RBFOX1: variants seen among roughly 807,000 people sequenced by gnomAD.
RBFOX1 encodes RNA binding fox-1 homolog 1.
A neutral mutation model predicts 57.7 loss-of-function variants in RBFOX1; 8 were observed. The ratio of observed to expected loss-of-function variants is 0.14; its 90% CI spans 0.08 to 0.25. RBFOX1 has a LOEUF of 0.25. Ranked by LOEUF, RBFOX1 falls within the 10% of genes least tolerant of loss-of-function variation. The pLI, the probability that RBFOX1 is intolerant of heterozygous loss-of-function variation, is 1.00. For missense variants in RBFOX1, 611 were observed against 548.5 expected, an observed-to-expected ratio of 1.11 and a Z score of -1.14; for synonymous variants, 326 against 222.4, an observed-to-expected ratio of 1.47 and a Z score of -4.15.
intron 3 of RBFOX1, among the ~76,000 whole-genome samples, chr16:5,630,087 A>C (rs539862129): frequency 1.3e-5 from 2 of 152,268 alleles, no homozygotes; most frequent in East Asian, 3.9e-4. Context: ...ATCTTTATCC[A>C]CTTCTCAAAA....
intron 1 of RBFOX1, among the ~76,000 whole-genome samples, chr16:5,373,954 G>C (rs2065922392): frequency 6.6e-6 from 1 of 152,178 alleles, no homozygotes; most frequent in Non-Finnish European, 1.5e-5. Flanking sequence ...TCTTACTCTT[G>C]TCACCCAGGC....
intron 14 of RBFOX1, among the ~76,000 whole-genome samples, chr16:7,694,141 G>A (rs544347064): frequency 2.0e-5 from 3 of 152,210 alleles, no homozygotes; most frequent in African/African-American, 4.8e-5. Flanking sequence ...TCCTTTTGTC[G>A]TTTTTAAGCC....
intron 1 of RBFOX1, among the ~76,000 whole-genome samples, chr16:6,070,221 T>A (rs188609052): frequency 1.2e-3 from 178 of 152,254 alleles, no homozygotes; most frequent in African/African-American, 4.1e-3. Context: ...CTGGGGAGAT[T>A]TTGAGTAAAT....
intron 1 of RBFOX1, chr16:5,270,986 GC>G: frequency 3.1e-6 from 1 of 321,294 alleles, no homozygotes; most frequent in Non-Finnish European, 5.8e-6. Context: ...CAAATAAAAA[GC>G]CCTATTTGTG....
At chr16:5,468,808 T>A (rs752100780) in intron 2 of RBFOX1, among the ~76,000 whole-genome samples, 1 of 152,218 alleles carries the variant, frequency 6.6e-6, no homozygotes, top group Non-Finnish European at 1.5e-5. Flanking sequence ...TGTGCTGACA[T>A]TGGCTGGTTT....
chr16:7,459,329 C>G (rs1164975837), intron 4 of RBFOX1, among the ~76,000 whole-genome samples: 1 of 152,210 alleles, frequency 6.6e-6, no homozygotes, highest in Non-Finnish European at 1.5e-5. Context: ...CCTTTTAACT[C>G]ACTTGGCATG....
intron 4 of RBFOX1, among the ~76,000 whole-genome samples, chr16:7,123,831 G>C (rs1290199362): frequency 6.6e-6 from 1 of 152,108 alleles, no homozygotes; most frequent in Non-Finnish European, 1.5e-5. Flanking sequence ...AAGAAGAAGG[G>C]TTTTGCACGA....
chr16:7,446,220 T>C (rs2098806526), intron 4 of RBFOX1, among the ~76,000 whole-genome samples: 1 of 152,212 alleles, frequency 6.6e-6, no homozygotes. Context: ...AGTTGGCTCT[T>C]GAGTCTCCCC....
rs2076808380 is a variant in RBFOX1 at position 7,518,312 on chromosome 16, C to G, written c.193C>G (p.Leu65Val). The change falls in exon 5 of 16, where the codon CTG becomes GTG. Residue 65 changes from leucine (L) to valine (V), a missense_variant. By Grantham distance (32) the Leu-to-Val change is conservative. Transcript: ENST00000550418. ...QTTVPEHTLN[L>V]YPPAQTHSEQ... ...CACGGTTCCCGAGCACACATTAAAC[C>G]TGTACCCTCCCGCCCAGACGCACTC... 1 of 1,614,160 alleles carries G rather than the reference C, an allele frequency of 6.2e-7. No individual in the cohort carries two copies. The highest frequency in any genetic ancestry group is 8.5e-7 in the Non-Finnish European group (1 of 1,180,018).
chr16:7,306,520 C>A (rs2096190604), intron 4 of RBFOX1, among the ~76,000 whole-genome samples: 1 of 152,050 alleles, frequency 6.6e-6, no homozygotes, highest in Non-Finnish European at 1.5e-5. Context: ...AAAGGACTTG[C>A]ACTGCTATCT....
intron 3 of RBFOX1, among the ~76,000 whole-genome samples, chr16:6,716,574 G>T (rs964573632): frequency 6.6e-6 from 1 of 152,212 alleles, no homozygotes; most frequent in African/African-American, 2.4e-5. Flanking sequence ...AATGGAACTT[G>T]TCTCAGAATC....
chr16:7,618,301 C>T (rs1461371958), intron 10 of RBFOX1, among the ~76,000 whole-genome samples: 1 of 152,136 alleles, frequency 6.6e-6, no homozygotes, highest in African/African-American at 2.4e-5. Context: ...TATATTCACA[C>T]TGAGTAACAG....
intron 3 of RBFOX1, among the ~76,000 whole-genome samples, chr16:5,861,554 T>A (rs1028825307): frequency 1.6e-4 from 24 of 152,230 alleles, no homozygotes; most frequent in African/African-American, 5.8e-4. Context: ...GGAATGAATG[T>A]CCATTGTGTT....
chr16:5,570,744 G>A (rs1234927527), intron 2 of RBFOX1, among the ~76,000 whole-genome samples: 2 of 151,444 alleles, frequency 1.3e-5, no homozygotes, highest in Non-Finnish European at 2.9e-5. Flanking sequence ...GGAGGCTGAG[G>A]CATGAGAATT....
At chr16:7,446,001 A>G (rs1046987415) in intron 4 of RBFOX1, among the ~76,000 whole-genome samples, 2 of 152,058 alleles carry the variant, frequency 1.3e-5, no homozygotes, top group Non-Finnish European at 2.9e-5. Flanking sequence ...TTCTCTTTCT[A>G]ATCTCAGCCT....
In RBFOX1 at chr16:5,416,455, C is replaced by T. The variant is rs552426838; in HGVS notation, c.220-50761C>T. Among the ~76,000 whole-genome samples the T allele has an allele frequency of 1.6e-4, 25 of 152,160 alleles. 1 individual carries two copies. The South Asian group carries it at 3.3e-3, about 20-fold the overall frequency. ...TTTTTAGTTCAACTTTTTCCCGTGTCGGTTGGGCAGAAGTGATGATTTCCA... is the reference window on the plus strand; with the variant it reads ...TTTTTAGTTCAACTTTTTCCCGTGTTGGTTGGGCAGAAGTGATGATTTCCA... On this transcript the variant is annotated intron_variant, in intron 1 of 2. Coordinates refer to the RBFOX1 transcript ENST00000585867.
chr16:7,220,454 C>G (rs1163159313), intron 4 of RBFOX1, among the ~76,000 whole-genome samples: 1 of 152,180 alleles, frequency 6.6e-6, no homozygotes, highest in African/African-American at 2.4e-5. Context: ...CCTAAAGAGA[C>G]AGTGTGTTGA....
intron 1 of RBFOX1, among the ~76,000 whole-genome samples, chr16:6,280,754 A>C (rs146059373): frequency 1.3e-5 from 2 of 152,086 alleles, no homozygotes; most frequent in Non-Finnish European, 2.9e-5. Context: ...GTCATTACAT[A>C]AACCAGTCAC....
intron 14 of RBFOX1, among the ~76,000 whole-genome samples, chr16:7,689,604 G>A (rs1426418545): frequency 2.6e-5 from 4 of 152,046 alleles, no homozygotes; most frequent in African/African-American, 9.7e-5. Flanking sequence ...AGCACTCTAG[G>A]CATTCTTATC....
Sources: allele counts gnomAD v4.1 joint callset (sites outside exome capture counted in the v4.1 genomes callset), GRCh38; gene constraint gnomAD v4.1.1; transcripts MANE v1.5; gene names NCBI Gene and HGNC (gene_info 2026-07-23, HGNC 2026-07-21).